The following C8orf89 variants were observed in gnomAD, a reference collection of about 807,000 sequenced individuals.
C8orf89 encodes the protein chromosome 8 open reading frame 89, also known as putative uncharacterized protein C8orf89.
C8orf89 carries 14 observed loss-of-function variants against 15.8 expected under a neutral mutation model. That is an observed-to-expected ratio of 0.89 (90% CI 0.59 to 1.39). C8orf89 has a LOEUF of 1.39. C8orf89 is among the 40% of genes most tolerant of loss of function. The pLI, the probability that C8orf89 is intolerant of heterozygous loss-of-function variation, is 0.00. For missense variants in C8orf89, 181 were observed against 184.5 expected (o/e 0.98, Z 0.11); for synonymous variants, 55 against 62.2 (o/e 0.88, Z 0.54).
chr8:73,279,429 G>A, the C8orf89 span, among the ~76,000 whole-genome samples: 1 of 152,120 alleles, frequency 6.6e-6, no homozygotes, highest in African/African-American at 2.4e-5. Flanking sequence ...GAGCTAGTAT[G>A]GACCATTAAT....
intron 3 of C8orf89, among the ~76,000 whole-genome samples, chr8:73,244,915 G>A (rs1002703616): frequency 1.3e-5 from 2 of 152,198 alleles, no homozygotes; most frequent in Admixed American, 1.3e-4. Context: ...TTGTACACAT[G>A]TATTAGTCCA....
At chr8:73,277,666 T>C in the C8orf89 span, 1 of 756,454 alleles carries the variant, frequency 1.3e-6, no homozygotes, top group African/African-American at 1.7e-5. Flanking sequence ...TCTTTTAAAA[T>C]AAGGCTGGAA....
intron 3 of C8orf89, among the ~76,000 whole-genome samples, chr8:73,245,639 GA>G (rs1348413846): frequency 6.6e-6 from 1 of 151,922 alleles, no homozygotes; most frequent in Non-Finnish European, 1.5e-5. Context: ...GAAAATAAAA[GA>G]AGGCACAAAT....
chr8:73,266,794 G>C, the C8orf89 span, among the ~76,000 whole-genome samples: 1 of 151,590 alleles, frequency 6.6e-6, no homozygotes, highest in South Asian at 2.1e-4. Flanking sequence ...ATCAAACCAA[G>C]AGCATTAAAA....
At chr8:73,265,486 C>T in the C8orf89 span, among the ~76,000 whole-genome samples, 4 of 152,174 alleles carry the variant, frequency 2.6e-5, 1 homozygote, top group Non-Finnish European at 5.9e-5. Context: ...TGTTAATTCT[C>T]AGGAAAGGCT....
At chr8:73,255,674 GCACTATT>G (rs1813359688) in intron 2 of C8orf89, among the ~76,000 whole-genome samples, 2 of 149,744 alleles carry the variant, frequency 1.3e-5, no homozygotes, top group South Asian at 4.3e-4. Context: ...GTTTATTGCG[GCACTATT>G]CACAATAGCA....
At chr8:73,250,161 A>G (rs949288208) in intron 3 of C8orf89, 107 bp downstream of exon 3, 2 of 674,008 alleles carry the variant, frequency 3.0e-6, no homozygotes, top group African/African-American at 3.6e-5. Flanking sequence ...AGAAGTAGTA[A>G]CAAAACAAAG....
chr8:73,260,557 C>A (rs556284530), upstream of C8orf89, among the ~76,000 whole-genome samples: 8 of 152,166 alleles, frequency 5.3e-5, no homozygotes, highest in African/African-American at 1.9e-4. Context: ...AGAAAGAAAA[C>A]GGATAATACA....
At chr8:73,249,578 C>T (rs2130258818) in intron 3 of C8orf89, among the ~76,000 whole-genome samples, 1 of 152,054 alleles carries the variant, frequency 6.6e-6, no homozygotes, top group East Asian at 1.9e-4. Context: ...GCTATTTGTA[C>T]TGATTCAATA....
At chr8:73,275,302 T>TC in the C8orf89 span, among the ~76,000 whole-genome samples, 714 of 148,004 alleles carry the variant, frequency 4.8e-3, 2 homozygotes, top group Middle Eastern at 0.014. Context: ...AGTGGCTTGA[T>TC]CTCAGCTCAC....
upstream of C8orf89, among the ~76,000 whole-genome samples, chr8:73,263,245 G>A (rs1266134531): frequency 6.6e-6 from 1 of 152,166 alleles, no homozygotes; most frequent in African/African-American, 2.4e-5. Context: ...GGGCATGGTG[G>A]CTCACACCTA....
chr8:73,261,828 C>T (rs1161907446), upstream of C8orf89, among the ~76,000 whole-genome samples: 1 of 152,124 alleles, frequency 6.6e-6, no homozygotes, highest in Admixed American at 6.5e-5. Context: ...GTTTTGGCAG[C>T]TCCAACCTGT....
chr8:73,271,324 G>A, the C8orf89 span, among the ~76,000 whole-genome samples: 1 of 152,220 alleles, frequency 6.6e-6, no homozygotes, highest in Non-Finnish European at 1.5e-5. Context: ...GGTCATGGGA[G>A]TGGATCTCTC....
intron 3 of C8orf89, among the ~76,000 whole-genome samples, chr8:73,247,777 C>A (rs1813159071): frequency 6.6e-6 from 1 of 152,040 alleles, no homozygotes. Context: ...CCTTTGTCCA[C>A]TTTTTAATGA....
chr8:73,276,233 G>A, the C8orf89 span, among the ~76,000 whole-genome samples: 1 of 146,360 alleles, frequency 6.8e-6, no homozygotes, highest in Non-Finnish European at 1.5e-5. Context: ...CTGGGGTGCA[G>A]TGGTGCAATC....
the C8orf89 span, among the ~76,000 whole-genome samples, chr8:73,264,982 C>G: frequency 2.0e-5 from 3 of 152,098 alleles, no homozygotes; most frequent in African/African-American, 7.2e-5. Context: ...ATATGGTAGA[C>G]CCTAGTCATA....
chr8:73,269,880 T>A, the C8orf89 span, among the ~76,000 whole-genome samples: 2 of 152,240 alleles, frequency 1.3e-5, no homozygotes, highest in Non-Finnish European at 2.9e-5. Flanking sequence ...AAACAAAAAT[T>A]TTAAAATGTA....
upstream of C8orf89, among the ~76,000 whole-genome samples, chr8:73,261,683 G>C (rs115675048): frequency 8.3e-3 from 1,269 of 152,312 alleles, 15 homozygotes; most frequent in African/African-American, 0.029. Flanking sequence ...TGAAATGGCA[G>C]TGTTGGCAGC....
intron 2 of C8orf89, among the ~76,000 whole-genome samples, chr8:73,254,796 C>T (rs905386978): frequency 6.6e-6 from 1 of 152,114 alleles, no homozygotes; most frequent in Non-Finnish European, 1.5e-5. Context: ...CAGAACAGAG[C>T]CCTCAGAAAT....
Sources: gnomAD v4.1 joint callset for allele counts (sites outside exome capture counted in the v4.1 genomes callset) on GRCh38, gnomAD v4.1.1 for gene constraint, MANE v1.5 for transcripts, NCBI Gene and HGNC (gene_info 2026-07-23, HGNC 2026-07-21) for gene names.